The following CELF1 variants were observed in gnomAD, a reference collection of about 807,000 sequenced individuals.
CELF1 encodes 50 kDa nuclear polyadenylated RNA-binding protein.
A neutral mutation model predicts 61.8 loss-of-function variants in CELF1; 10 were observed. That is an observed-to-expected ratio of 0.16 (90% CI 0.10 to 0.27). The LOEUF is 0.27. Among genes scored for constraint, CELF1 ranks in the 10% least tolerant of loss-of-function variants. The pLI is 1.00. For synonymous variants in CELF1, 236 were observed against 225.1 expected (o/e 1.05, Z -0.43); for missense variants, 380 against 639.1 (o/e 0.59, Z 4.37).
rs1346786710 is a variant in CELF1, at chr11:47,466,603, G to A, written c.*5627C>T. ...TTAAATTATTCACAAAAAGCAGCTG[G>A]AAATCAGAAAGGCAGCTGCCGCTCC... On this transcript the variant is annotated 3_prime_UTR_variant, in exon 15 of 15. Coordinates refer to ENST00000687097, the MANE Select transcript of CELF1 (RefSeq NM_001376376.1). 6.6e-6 allele frequency: 1 copy of A among 151,686 alleles called. No homozygotes were observed. Among genetic ancestry groups the A allele is most frequent in the Non-Finnish European group, 1.5e-5 (1 of 67,938 alleles). The allele number at this position is 151,686 out of a possible 1,614,324, so 9.4% of individuals were successfully genotyped here. A position where few individuals can be genotyped will look rare whatever the true frequency, so the allele number is the denominator to read the frequency against.
chr11:47,559,964 T>G (rs1373821768), intron 2 of CELF1, among the ~76,000 whole-genome samples: 1 of 149,834 alleles, frequency 6.7e-6, no homozygotes, highest in African/African-American at 2.5e-5. Context: ...ATCATGCCAC[T>G]GTATTCCACC....
intron 1 of CELF1, among the ~76,000 whole-genome samples, chr11:47,509,575 G>A (rs2094885212): frequency 6.6e-6 from 1 of 151,982 alleles, no homozygotes; most frequent in African/African-American, 2.4e-5. Context: ...CCAAAATAAG[G>A]CTAAAGGGAA....
chr11:47,524,074 G>C (rs1474141901), intron 1 of CELF1: 1 of 152,100 alleles, frequency 6.6e-6, no homozygotes, highest in Non-Finnish European at 1.5e-5. Context: ...GTTGCTGTGG[G>C]GCCCAAAGCA....
intron 1 of CELF1, among the ~76,000 whole-genome samples, chr11:47,533,090 GTA>G (rs1048266486): frequency 6.6e-6 from 1 of 151,106 alleles, no homozygotes; most frequent in African/African-American, 2.4e-5. Flanking sequence ...TTCTATCACA[GTA>G]TTTTTTTTTT....
rs1225277128 is a variant in CELF1, at chr11:47,475,394, C to G, written c.1215G>C (p.Leu405=). Residue 405 remains leucine, a synonymous_variant, in exon 13 of 15, where the codon CTG becomes CTC. Transcript: ENST00000687097. ...QQYAAAALPT[L]YNQNLLTQQS... Reference sequence around the variant, plus strand: ...GCTGTGTCAGAAGATTCTGGTTGTACAGAGTGGGGAGCGCAGCAGCAGCAT... The same window carrying G: ...GCTGTGTCAGAAGATTCTGGTTGTAGAGAGTGGGGAGCGCAGCAGCAGCAT... 8 of 1,613,972 alleles carry G rather than the reference C, an allele frequency of 5.0e-6. No homozygotes were observed. The highest frequency in any genetic ancestry group is 6.8e-6 in the Non-Finnish European group (8 of 1,180,044).
At chr11:47,555,377 G>GGT, upstream of CELF1, among the ~76,000 whole-genome samples, 1 of 1,678 alleles carries the variant, frequency 6.0e-4, no homozygotes, top group Non-Finnish European at 6.4e-3. Flanking sequence ...TATCTAACTC[G>GGT]ATAAACTTCT....
intron 9 of CELF1, among the ~76,000 whole-genome samples, chr11:47,479,988 G>C (rs1238224591): frequency 6.6e-6 from 1 of 151,794 alleles, no homozygotes; most frequent in Admixed American, 6.6e-5. Context: ...AACTCCTCCA[G>C]GACAGTAGAG....
chr11:47,545,706 T>TTTTACAAAGTTA (rs2096916121), intron 1 of CELF1, among the ~76,000 whole-genome samples: 1 of 152,032 alleles, frequency 6.6e-6, no homozygotes, highest in Non-Finnish European at 1.5e-5. Flanking sequence ...AATTTTTGTA[T>TTTTACAAAGTTA]TTTTTGTAGA....
At chr11:47,494,302 AC>A in intron 3 of CELF1, 1 of 758,484 alleles carries the variant, frequency 1.3e-6, no homozygotes, top group African/African-American at 1.9e-5. Context: ...TGTTTCTACT[AC>A]TGGCAGCAGA....
rs200866389 is a variant in CELF1 at position 47,517,801 on chromosome 11, T to C, written c.-153-16869A>G. ...CCGAGCAGCTGGGATTACAGGCACC[T>C]GCCACCAAACCCAGCTACTTTTTTG... On this transcript the variant is annotated intron_variant, in intron 1 of 14. Transcript: ENST00000687097. Among the ~76,000 whole-genome samples, 17 of 152,238 alleles carry C rather than the reference T, an allele frequency of 1.1e-4. No individual in the cohort carries two copies. The East Asian group carries it at 3.3e-3, about 29-fold the overall frequency.
Position 47,563,212 on chromosome 11 carries a change from G to A in CELF1, c.-11+1139C>T, listed in dbSNP as rs529020052. ...CTAGCCTGGGTGACAGTGAGACCCT[G>A]TTTCCTAGAAAAAAAAAAAAGAAAA... On this transcript the variant is annotated intron_variant, in intron 2 of 3. Transcript: ENST00000525841. Among the ~76,000 whole-genome samples the A allele has an allele frequency of 3.3e-5, 5 of 150,354 alleles. No homozygotes were observed. In the East Asian group the frequency reaches 9.8e-4, roughly 29 times the overall value.
At chr11:47,508,213 G>A (rs527812701) in intron 1 of CELF1, among the ~76,000 whole-genome samples, 11 of 152,280 alleles carry the variant, frequency 7.2e-5, no homozygotes, top group Non-Finnish European at 2.9e-5. Flanking sequence ...TAGACAGCAA[G>A]TTAAATTTCT....
intron 10 of CELF1, 102 bp downstream of exon 10, chr11:47,478,775 A>C: frequency 4.2e-6 from 4 of 961,838 alleles, no homozygotes; most frequent in South Asian, 2.8e-5. Context: ...ATAATAAGCA[A>C]AAAAATGTTT....
chr11:47,512,393 T>C (rs966096928), intron 1 of CELF1, among the ~76,000 whole-genome samples: 3 of 151,318 alleles, frequency 2.0e-5, no homozygotes, highest in African/African-American at 7.3e-5. Context: ...GACCTCATGA[T>C]CCACCTGCCT....
At chr11:47,552,897 C>A (rs1807755992) in intron 1 of CELF1, 95 bp downstream of exon 1, 1 of 396,342 alleles carries the variant, frequency 2.5e-6, no homozygotes, top group South Asian at 1.4e-4. Context: ...TGACCCGCGG[C>A]CTCCCTAACC....
chr11:47,534,111 C>T (rs2096568771), intron 1 of CELF1, among the ~76,000 whole-genome samples: 1 of 143,006 alleles, frequency 7.0e-6, no homozygotes, highest in Non-Finnish European at 1.5e-5. Context: ...TCACTGCAAC[C>T]TCCGCCTCCT....
rs114662699 is a variant in CELF1, at chr11:47,494,502, A to G, written c.71+4951T>C. On this transcript the variant is annotated intron_variant, in intron 3 of 14. Transcript: ENST00000687097. Reference sequence around the variant, plus strand: ...AGAGACACACGAGGGAACAAAAAAGAGCTGTTATTTTCAAAGTATGTATTT... The same window carrying G: ...AGAGACACACGAGGGAACAAAAAAGGGCTGTTATTTTCAAAGTATGTATTT... The G allele has an allele frequency of 1.9e-3, 1,909 of 981,892 alleles. 30 individuals are homozygous for G. In the African/African-American group the frequency reaches 0.032, roughly 16 times the overall value. 60.8% of individuals were successfully genotyped at this position (981,892 alleles called of 1,614,324 possible).
intron 1 of CELF1, chr11:47,506,948 A>C (rs991795557): frequency 6.6e-6 from 1 of 152,228 alleles, no homozygotes; most frequent in Non-Finnish European, 1.5e-5. Context: ...GACGTCTCTC[A>C]TGACTCCAGA....
chr11:47,481,081 GTT>G (rs1198765451), intron 9 of CELF1, among the ~76,000 whole-genome samples: 4 of 92,850 alleles, frequency 4.3e-5, no homozygotes, highest in South Asian at 3.9e-4. Context: ...ATAAACTGGG[GTT>G]TTTTTTTTTT....
Sources: allele counts gnomAD v4.1 joint callset (sites outside exome capture counted in the v4.1 genomes callset), GRCh38; gene constraint gnomAD v4.1.1; transcripts MANE v1.5; gene names NCBI Gene and HGNC (gene_info 2026-07-23, HGNC 2026-07-21).